Variants in MAN2A2 observed in about 807,000 individuals in gnomAD.
MAN2A2 encodes alpha-mannosidase 2x.
Under a neutral mutation model 126.8 loss-of-function variants are expected in MAN2A2, and 79 were observed. The ratio of observed to expected loss-of-function variants is 0.62; its 90% CI spans 0.52 to 0.75. The LOEUF (loss-of-function observed/expected upper bound fraction) is 0.75, where lower values mean the gene tolerates loss of function less well. Ranked by LOEUF, MAN2A2 falls within the 30% of genes least tolerant of loss-of-function variation. MAN2A2 has a pLI of 0.00. For missense variants in MAN2A2, 1,392 were observed against 1,522.4 expected (o/e 0.91, Z 1.43); for synonymous variants, 671 against 618.7 (o/e 1.08, Z -1.25).
At chr15:90,905,535 A>T (rs1437447370) in intron 3 of MAN2A2, 27 bp downstream of exon 3, 1 of 1,614,140 alleles carries the variant, frequency 6.2e-7, no homozygotes, top group Non-Finnish European at 8.5e-7. Flanking sequence ...GCAGGGACGT[A>T]CAGTGGCCAC....
chr15:90,911,758 A>G (rs930519836), intron 14 of MAN2A2: 14 of 622,786 alleles, frequency 2.2e-5, no homozygotes, highest in Middle Eastern at 4.3e-4. Flanking sequence ...TGGTATGGTA[A>G]TAGTAATGGT....
chr15:90,904,361 A>C (rs1441876943), intron 2 of MAN2A2, 22 bp downstream of exon 2: 1 of 1,609,472 alleles, frequency 6.2e-7, no homozygotes, highest in South Asian at 1.1e-5. Context: ...CTGGTTGCTA[A>C]TTTCTTTGTA....
In MAN2A2 at chr15:90,913,411, C is replaced by CT. The variant is rs2034922327; in HGVS notation, c.2718+6dup. 6.3e-7 allele frequency: 1 copy of CT among 1,583,608 alleles called. No homozygotes were observed. The highest frequency in any genetic ancestry group is 8.7e-7 in the Non-Finnish European group (1 of 1,152,576). On this transcript the variant is annotated splice_donor_region_variant and intron_variant, in intron 18 of 22. Coordinates refer to ENST00000559717, the MANE Select transcript of MAN2A2 (RefSeq NM_006122.4). The stretch of plus-strand genomic sequence containing the variant: ...ACAGACCTCAATGGCTTTCAGGTGA[C>CT]TCCTGGGCCTGGGTCTCGGAGACCC...
intron 22 of MAN2A2, 46 bp downstream of exon 22, chr15:90,918,801 G>A (rs1327190272): frequency 7.3e-7 from 1 of 1,363,416 alleles, no homozygotes; most frequent in Non-Finnish European, 1.0e-6. Context: ...GCAGGCATGA[G>A]CTTGGTAAGA....
At chr15:90,908,525 A>C (rs2034472356) in intron 8 of MAN2A2, among the ~76,000 whole-genome samples, 1 of 152,130 alleles carries the variant, frequency 6.6e-6, no homozygotes, top group Admixed American at 6.5e-5. Flanking sequence ...TGTACCAGGC[A>C]CTATTCTAAG....
Position 90,922,570 on chromosome 15 carries a change from A to C in MAN2A2, c.*2783A>C, listed in dbSNP as rs1208514652. The C allele has an allele frequency of 2.6e-5, 4 of 152,222 alleles. No individual in the cohort carries two copies. Among genetic ancestry groups the C allele is most frequent in the African/African-American group, 9.6e-5 (4 of 41,452 alleles). The allele number at this position is 152,222 out of a possible 1,614,324, so 9.4% of individuals were successfully genotyped here. Reference sequence around the variant, plus strand: ...GAAAATGAGCAGAATAAAGGATATTATCTTTGGAAGTCTTAGATGTGCAAT... The same window carrying C: ...GAAAATGAGCAGAATAAAGGATATTCTCTTTGGAAGTCTTAGATGTGCAAT... On this transcript the variant is annotated 3_prime_UTR_variant, in exon 23 of 23. Transcript: ENST00000559717.
chr15:90,909,203 T>C (rs2677747), intron 8 of MAN2A2, 124 bp from the exon 9 acceptor site: 2 of 872,808 alleles, frequency 2.3e-6, no homozygotes, highest in Non-Finnish European at 3.5e-6. Flanking sequence ...AGGTGTCTGT[T>C]TGCGCTGAAC....
intron 1 of MAN2A2, chr15:90,903,741 G>A (rs1236435034): frequency 3.5e-6 from 1 of 284,766 alleles, no homozygotes; most frequent in Non-Finnish European, 6.9e-6. Context: ...TCTGGTGAGT[G>A]CCAGTTTGAC....
At position 90,920,454 on chromosome 15, in the gene MAN2A2, A is replaced by G. The variant is rs77517333; in HGVS notation, c.*667A>G. 1,912 of 152,462 alleles carry G rather than the reference A, an allele frequency of 0.013. 33 individuals carry two copies. The highest frequency in any genetic ancestry group is 0.085 in the South Asian group (409 of 4,832). The allele number at this position is 152,462 out of a possible 1,614,324, so 9.4% of individuals were successfully genotyped here. A position where few individuals can be genotyped will look rare whatever the true frequency, so the allele number is the denominator to read the frequency against. On this transcript the variant is annotated 3_prime_UTR_variant, in exon 23 of 23. Coordinates refer to ENST00000559717, the MANE Select transcript of MAN2A2 (RefSeq NM_006122.4). ...CAGGAAGGACTCGCTAGAGATTGTC[A>G]TGGCCAGAGATCATAGGTCACTTCA...
In MAN2A2 at chr15:90,911,405, C is replaced by T. The variant is rs748793516; in HGVS notation, c.1964C>T (p.Pro655Leu). Reference protein sequence around the residue: ...SSPRFVVLFNPLEQERFSMVS... With the variant: ...SSPRFVVLFNLLEQERFSMVS... Reference sequence around the variant, plus strand: ...CACAGGTTTGTGGTCCTATTCAACCCACTGGAACAGGAGCGATTCAGCATG... The same window carrying T: ...CACAGGTTTGTGGTCCTATTCAACCTACTGGAACAGGAGCGATTCAGCATG... Residue 655 changes from proline to leucine, a missense_variant, in exon 14 of 23, where the codon CCA becomes CTA. Transcript: ENST00000559717. 8.7e-6 allele frequency: 14 copies of T among 1,614,104 alleles called. No homozygotes were observed. In the East Asian group the frequency reaches 2.9e-4, roughly 33 times the overall value.
chr15:90,918,495 T>G, intron 21 of MAN2A2, 107 bp downstream of exon 21: 1 of 1,360,376 alleles, frequency 7.4e-7, no homozygotes, highest in Non-Finnish European at 1.0e-6. Flanking sequence ...CCTTAGCAGG[T>G]ATTCGGCTCC....
intron 19 of MAN2A2, among the ~76,000 whole-genome samples, chr15:90,914,876 C>G (rs927487136): frequency 6.6e-6 from 1 of 152,188 alleles, no homozygotes; most frequent in Non-Finnish European, 1.5e-5. Flanking sequence ...GGAGTCAGAC[C>G]CGGGTAGCTG....
In MAN2A2 at chr15:90,905,866, A is replaced by G. The variant is rs774289650; in HGVS notation, c.557A>G (p.Lys186Arg). ...NDPGWIKTFDKYYTEQTQHIL... is the reference protein window; with the variant it reads ...NDPGWIKTFDRYYTEQTQHIL... ...CTAGGCTGGATCAAGACCTTTGACA[A>G]GTACTACACAGAGCAGACCCAACAC... The change falls in exon 5 of 23, where the codon AAG becomes AGG. Residue 186 changes from lysine to arginine, a missense_variant. By Grantham distance (26) the Lys-to-Arg change is conservative. Coordinates refer to ENST00000559717, the MANE Select transcript of MAN2A2 (RefSeq NM_006122.4). The G allele has an allele frequency of 6.3e-7, 1 of 1,580,090 alleles. No individual in the cohort carries two copies. Among genetic ancestry groups the G allele is most frequent in the Admixed American group, 1.9e-5 (1 of 52,792 alleles).
chr15:90,906,235 AGT>A, intron 5 of MAN2A2, 133 bp from the exon 6 acceptor site: 7 of 1,320,388 alleles, frequency 5.3e-6, no homozygotes, highest in Non-Finnish European at 7.4e-6. Flanking sequence ...AAGGAGGGCA[AGT>A]GTGTGTTCTC....
Position 90,920,984 on chromosome 15 carries a change from A to AC in MAN2A2, c.*1197_*1198insC, listed in dbSNP as rs1197056305. ...TGGAAAGAAACACCCTAATCTAGAT[A>AC]AAGGTCTGTTTCAGAAACCAACAGT... On this transcript the variant is annotated 3_prime_UTR_variant, in exon 23 of 23. Coordinates refer to ENST00000559717, the MANE Select transcript of MAN2A2 (RefSeq NM_006122.4). 1 of 152,214 alleles carries AC rather than the reference A, an allele frequency of 6.6e-6. No homozygotes were observed. Among genetic ancestry groups the AC allele is most frequent in the Non-Finnish European group, 1.5e-5 (1 of 68,030 alleles). The allele number at this position is 152,214 out of a possible 1,614,324, so 9.4% of individuals were successfully genotyped here.
At chr15:90,916,387 G>C in intron 20 of MAN2A2, 131 bp downstream of exon 20, 1 of 1,306,550 alleles carries the variant, frequency 7.7e-7, no homozygotes, top group Non-Finnish European at 1.1e-6. Flanking sequence ...TGAATTCCTG[G>C]GGTGGGGGGA....
chr15:90,902,769 CCGCGCGGGGCCGGCGCAGCGGAG>C (rs1334424306), upstream of MAN2A2: 1 of 146,290 alleles, frequency 6.8e-6, no homozygotes, highest in South Asian at 2.1e-4. Context: ...GCTGGCGGAC[CCGCGCGGGGCCGGCGCAGCGGAG>C]CGCGCCGGCG....
intron 1 of MAN2A2, 113 bp downstream of exon 1, chr15:90,903,545 C>T: frequency 6.4e-6 from 1 of 157,184 alleles, no homozygotes; most frequent in South Asian, 1.8e-4. Context: ...GGCGTCACTG[C>T]AGGCTTCCTA....
chr15:90,915,841 G>C (rs746080574), intron 19 of MAN2A2, among the ~76,000 whole-genome samples: 1 of 152,218 alleles, frequency 6.6e-6, no homozygotes, highest in African/African-American at 2.4e-5. Context: ...CCCTAGGCCC[G>C]TTCCCTACTC....
Sources: allele counts gnomAD v4.1 joint callset (sites outside exome capture counted in the v4.1 genomes callset), GRCh38; gene constraint gnomAD v4.1.1; transcripts MANE v1.5; gene names NCBI Gene and HGNC (gene_info 2026-07-23, HGNC 2026-07-21).